COL4A6: variants seen among roughly 807,000 people sequenced by gnomAD.
The protein encoded by COL4A6 is collagen type IV alpha 6 chain, also known as collagen alpha-6(IV) chain.
Under a neutral mutation model 126.7 loss-of-function variants are expected in COL4A6, and 59 were observed. The observed-to-expected ratio is 0.47, with a 90% CI of 0.38 to 0.58. The LOEUF (loss-of-function observed/expected upper bound fraction) is 0.58, where lower values mean the gene tolerates loss of function less well. Ranked by LOEUF, COL4A6 falls within the 20% of genes least tolerant of loss-of-function variation. COL4A6 has a pLI of 0.00. For missense variants in COL4A6, 1,285 were observed against 1,337.3 expected (o/e 0.96, Z 0.61); for synonymous variants, 547 against 496.6 (o/e 1.10, Z -1.35).
intron 2 of COL4A6, among the ~76,000 whole-genome samples, chrX:108,374,539 C>T (rs779660481): frequency 4.5e-5 from 5 of 111,977 alleles, no homozygotes; most frequent in Non-Finnish European, 7.5e-5. Flanking sequence ...CTGTCAATCA[C>T]GTCCTATTTT....
intron 23 of COL4A6, chrX:108,183,584 C>T (rs7062553): frequency 0.014 from 4,755 of 337,277 alleles, 206 homozygotes; most frequent in African/African-American, 0.12. Context: ...GCATCCCAGC[C>T]TTAGACTCCC....
At chrX:108,371,521 T>C (rs1350754319) in intron 2 of COL4A6, among the ~76,000 whole-genome samples, 2 of 102,203 alleles carry the variant, frequency 2.0e-5, no homozygotes, top group African/African-American at 7.3e-5. Context: ...TTCACTTGAG[T>C]GAGACCAGGA....
chrX:108,355,175 C>T (rs765919388), intron 2 of COL4A6, among the ~76,000 whole-genome samples: 4 of 111,558 alleles, frequency 3.6e-5, no homozygotes, highest in Admixed American at 9.5e-5. Context: ...CTAACACTAT[C>T]GGGTACCCAT....
intron 2 of COL4A6, among the ~76,000 whole-genome samples, chrX:108,320,884 G>A (rs1466418242): frequency 9.0e-6 from 1 of 111,705 alleles, no homozygotes; most frequent in Non-Finnish European, 1.9e-5. Flanking sequence ...GTATGTGTCT[G>A]TGTAGAGACA....
intron 2 of COL4A6, among the ~76,000 whole-genome samples, chrX:108,330,727 T>C (rs2039276367): frequency 9.0e-6 from 1 of 111,283 alleles, no homozygotes; most frequent in African/African-American, 3.3e-5. Flanking sequence ...TCCACAGCTA[T>C]ACCAAGTAAT....
chrX:108,160,327 C>G (rs2033882287), intron 43 of COL4A6, 136 bp downstream of exon 43: 1 of 590,705 alleles, frequency 1.7e-6, no homozygotes, highest in African/African-American at 2.3e-5. Context: ...GAATCCAGAT[C>G]CACCTGACTC....
intron 2 of COL4A6, among the ~76,000 whole-genome samples, chrX:108,375,375 G>C (rs1225996563): frequency 8.9e-6 from 1 of 111,818 alleles, no homozygotes; most frequent in Admixed American, 9.5e-5. Context: ...GAAAGAAAGA[G>C]TATTATCCTA....
At chrX:108,405,858 T>G (rs1248461762) in intron 2 of COL4A6, among the ~76,000 whole-genome samples, 2 of 111,960 alleles carry the variant, frequency 1.8e-5, no homozygotes, top group African/African-American at 6.5e-5. Flanking sequence ...CATCTTCCAC[T>G]GTCATTGATA....
At chrX:108,216,625 A>G (rs1333163192) in intron 5 of COL4A6, among the ~76,000 whole-genome samples, 3 of 112,575 alleles carry the variant, frequency 2.7e-5, no homozygotes, top group Non-Finnish European at 3.8e-5. Context: ...TCTTATAGCT[A>G]ATGATTTTAC....
At chrX:108,161,537 G>C (rs1602700090) in intron 42 of COL4A6, 82 bp downstream of exon 42, 1 of 592,611 alleles carries the variant, frequency 1.7e-6, no homozygotes, top group Non-Finnish European at 2.7e-6. Flanking sequence ...TTTCAGACTT[G>C]AAGTTTTACT....
intron 2 of COL4A6, among the ~76,000 whole-genome samples, chrX:108,387,421 G>T (rs971296211): frequency 9.0e-5 from 10 of 111,548 alleles, no homozygotes; most frequent in African/African-American, 3.3e-4. Flanking sequence ...TCCTTGAAGA[G>T]GTCCTTCATA....
At chrX:108,349,944 T>C (rs758184716) in intron 2 of COL4A6, among the ~76,000 whole-genome samples, 10 of 112,027 alleles carry the variant, frequency 8.9e-5, no homozygotes, top group Non-Finnish European at 1.9e-4. Context: ...TGTTTTGGTT[T>C]TGTCCTTTTT....
intron 13 of COL4A6, among the ~76,000 whole-genome samples, chrX:108,198,964 T>C (rs2035306227): frequency 9.0e-6 from 1 of 111,341 alleles, no homozygotes; most frequent in African/African-American, 3.3e-5. Flanking sequence ...GGATATACAA[T>C]TCTCTCTGAT....
At chrX:108,201,856 G>A (rs765782288) in intron 13 of COL4A6, among the ~76,000 whole-genome samples, 1 of 111,195 alleles carries the variant, frequency 9.0e-6, no homozygotes, top group Non-Finnish European at 1.9e-5. Context: ...CACAGCCAGA[G>A]TGATCTTAAC....
intron 3 of COL4A6, among the ~76,000 whole-genome samples, chrX:108,247,761 GC>G (rs1430917598): frequency 9.0e-6 from 1 of 111,120 alleles, no homozygotes; most frequent in Non-Finnish European, 1.9e-5. Flanking sequence ...TTGTCCACCT[GC>G]CCCCCACTGC....
At chrX:108,332,852 G>A (rs1975638626) in intron 2 of COL4A6, among the ~76,000 whole-genome samples, 2 of 110,735 alleles carry the variant, frequency 1.8e-5, no homozygotes, top group South Asian at 7.5e-4. Flanking sequence ...TAAGTCACAT[G>A]TGTCTATTTT....
At chrX:108,333,812 A>T (rs760852358) in intron 2 of COL4A6, among the ~76,000 whole-genome samples, 1 of 111,435 alleles carries the variant, frequency 9.0e-6, no homozygotes, top group South Asian at 3.8e-4. Context: ...GTATCTACAA[A>T]ACAATACCTA....
chrX:108,227,775 CA>C (rs1341447184), intron 3 of COL4A6, among the ~76,000 whole-genome samples: 1 of 111,641 alleles, frequency 9.0e-6, no homozygotes, highest in Non-Finnish European at 1.9e-5. Flanking sequence ...TCAGTAACTC[CA>C]AAAGGGAGGA....
At chrX:108,354,969 C>A (rs1265725944) in intron 2 of COL4A6, among the ~76,000 whole-genome samples, 2 of 111,311 alleles carry the variant, frequency 1.8e-5, no homozygotes, top group Non-Finnish European at 3.8e-5. Context: ...CTTTCCACAC[C>A]TCGTTGATAT....
Sources: allele counts gnomAD v4.1 joint callset (sites outside exome capture counted in the v4.1 genomes callset), GRCh38; gene constraint gnomAD v4.1.1; transcripts MANE v1.5; gene names NCBI Gene and HGNC (gene_info 2026-07-23, HGNC 2026-07-21).